The following TUB variants were observed in gnomAD, a reference collection of about 807,000 sequenced individuals.
TUB encodes the protein tubby protein homolog.
A neutral mutation model predicts 59.7 loss-of-function variants in TUB; 33 were observed. That is an observed-to-expected ratio of 0.55 (90% CI 0.42 to 0.74). The LOEUF (loss-of-function observed/expected upper bound fraction) is 0.74, where lower values mean the gene tolerates loss of function less well. TUB is among the 30% of genes least tolerant of loss of function. The probability of loss-of-function intolerance (pLI) is 0.00; values close to 1 mark genes in which losing one functional copy is unlikely to be tolerated. For synonymous variants in TUB, 293 were observed against 256.4 expected, an observed-to-expected ratio of 1.14 and a Z score of -1.36; for missense variants, 659 against 672.0, an observed-to-expected ratio of 0.98 and a Z score of 0.21.
intron 2 of TUB, among the ~76,000 whole-genome samples, chr11:8,061,231 G>C (rs1462128589): frequency 6.6e-6 from 1 of 152,230 alleles, no homozygotes; most frequent in Non-Finnish European, 1.5e-5. Flanking sequence ...TGCCACCTGT[G>C]TGGGGGAGGA....
rs148788079 is a variant in TUB at position 8,049,233 on chromosome 11, C to CTTT, written c.203+9541_203+9542insTTT. Reference sequence around the variant, plus strand: ...CTAACCCAAGGGGACTTTCAGTGCCCCAGGCAGGTTTTCCCAACCCCCATC... The same window carrying CTTT: ...CTAACCCAAGGGGACTTTCAGTGCCCTTTCAGGCAGGTTTTCCCAACCCCCATC... On this transcript the variant is annotated intron_variant, in intron 2 of 12. Transcript: ENST00000305253. Among the ~76,000 whole-genome samples, 1,449 of 152,210 alleles carry CTTT rather than the reference C, an allele frequency of 9.5e-3. 34 individuals carry two copies. Among genetic ancestry groups the CTTT allele is most frequent in the African/African-American group, 0.033 (1,366 of 41,522 alleles).
At chr11:8,100,752 C>T (rs573665918) in intron 10 of TUB, 74 bp from the exon 11 acceptor site, 51 of 1,586,420 alleles carry the variant, frequency 3.2e-5, no homozygotes, top group African/African-American at 2.8e-4. Context: ...CCCCCATTCC[C>T]GGGATAGATC....
rs1374630341 is a variant in TUB, at chr11:8,105,401, C to A, written c.*3782C>A. The A allele has an allele frequency of 6.6e-6, 1 of 152,242 alleles. No homozygotes were observed. The highest frequency in any genetic ancestry group is 2.4e-5 in the African/African-American group (1 of 41,446). The allele number at this position is 152,242 out of a possible 1,614,324, so 9.4% of individuals were successfully genotyped here. ...GTAGCCACCGGTAATAAGCCAAGGG[C>A]TAGGCTCTTGTTTGAGTTTATGGCC... is the stretch of plus-strand genomic sequence containing the variant. On this transcript the variant is annotated 3_prime_UTR_variant, in exon 12 of 12. Transcript: ENST00000299506.
intron 1 of TUB, among the ~76,000 whole-genome samples, chr11:8,031,333 T>C (rs1942568013): frequency 6.6e-6 from 1 of 152,168 alleles, no homozygotes; most frequent in Non-Finnish European, 1.5e-5. Context: ...TTACACTTAA[T>C]GGGGGGCCAC....
chr11:8,096,710 C>T lies in TUB; in HGVS notation c.591C>T (p.Asp197=), dbSNP rs775236651. 1.4e-5 allele frequency: 22 copies of T among 1,612,638 alleles called. 1 individual carries two copies. Among genetic ancestry groups the T allele is most frequent in the African/African-American group, 4.0e-5 (3 of 74,854 alleles). ...GCATCTCCAGCAGCATGAGCTTTGA[C>T]GAGGATGAGGAGGATGAGGAGGAGA... is the stretch of plus-strand genomic sequence containing the variant. ...RKGISSSMSF[D]EDEEDEEENS... Residue 197 remains aspartate (D), a synonymous_variant, in exon 6 of 12, where the codon GAC becomes GAT. Coordinates refer to ENST00000299506, the MANE Select transcript of TUB (RefSeq NM_177972.3).
intron 5 of TUB, 65 bp from the exon 6 acceptor site, chr11:8,096,620 T>G: frequency 9.5e-7 from 1 of 1,057,750 alleles, no homozygotes; most frequent in Non-Finnish European, 1.5e-6. Flanking sequence ...TATGTGACCA[T>G]GTGTATTTCA....
chr11:8,097,827 G>C lies in TUB; in HGVS notation c.998+1G>C. On this transcript the variant is annotated splice_donor_variant, in intron 8 of 11. Transcript: ENST00000299506. LOFTEE classifies it high-confidence loss of function. ...GGGACAGCTATATCGGGAAACTGCGGTACTAGCATTCCCCCAGGAAGCAGG... is the reference window on the plus strand; with the variant it reads ...GGGACAGCTATATCGGGAAACTGCGCTACTAGCATTCCCCCAGGAAGCAGG... 1.2e-6 allele frequency: 2 copies of C among 1,611,564 alleles called. No individual in the cohort carries two copies. Among genetic ancestry groups the C allele is most frequent in the Non-Finnish European group, 1.7e-6 (2 of 1,177,900 alleles).
chr11:8,083,246 G>A (rs980244419), intron 1 of TUB, among the ~76,000 whole-genome samples: 2 of 152,168 alleles, frequency 1.3e-5, no homozygotes, highest in African/African-American at 4.8e-5. Context: ...TGTGTGCGGG[G>A]GTCCAGATGG....
chr11:8,051,514 T>C (rs1362086558), intron 2 of TUB, among the ~76,000 whole-genome samples: 1 of 152,240 alleles, frequency 6.6e-6, no homozygotes, highest in Non-Finnish European at 1.5e-5. Context: ...ATGAAATTAA[T>C]GGCTCAAAAA....
chr11:8,065,552 A>C (rs150199585), intron 2 of TUB, among the ~76,000 whole-genome samples: 1 of 152,290 alleles, frequency 6.6e-6, no homozygotes, highest in Non-Finnish European at 1.5e-5. Flanking sequence ...ACATGACAGC[A>C]CTCAGCAAGA....
chr11:8,038,773 T>C (rs1942689303), exon 1 of TUB: 1 of 1,522,650 alleles, frequency 6.6e-7, no homozygotes, highest in Admixed American at 2.1e-5. Flanking sequence ...AGTGCTGGTT[T>C]CAGTACTGAG....
Position 8,106,113 on chromosome 11 carries a change from T to G in TUB, c.*4494T>G, listed in dbSNP as rs1353866210. On this transcript the variant is annotated 3_prime_UTR_variant, in exon 12 of 12. Transcript: ENST00000299506. ...ATAAACTTTGGTATTCTGGAGCAAA[T>G]GTATTTATTTATTGGTATGTGCAAT... is the stretch of plus-strand genomic sequence containing the variant. 1 of 151,784 alleles carries G rather than the reference T, an allele frequency of 6.6e-6. No individual in the cohort carries two copies. The highest frequency in any genetic ancestry group is 1.5e-5 in the Non-Finnish European group (1 of 67,712). The allele number at this position is 151,784 out of a possible 1,614,324, so 9.4% of individuals were successfully genotyped here. A position where few individuals can be genotyped will look rare whatever the true frequency, so the allele number is the denominator to read the frequency against.
At chr11:8,086,383 G>A (rs1943666243) in intron 1 of TUB, among the ~76,000 whole-genome samples, 1 of 152,134 alleles carries the variant, frequency 6.6e-6, no homozygotes, top group Admixed American at 6.5e-5. Context: ...CTGGGTGGGG[G>A]CGGAGAAGGG....
chr11:8,074,754 T>TC (rs1943420093), intron 2 of TUB, among the ~76,000 whole-genome samples: 1 of 145,112 alleles, frequency 6.9e-6, no homozygotes, highest in African/African-American at 2.6e-5. Context: ...TTTTTTTTTT[T>TC]TTTTTTTTTT....
At chr11:8,049,953 A>T (rs1283570253) in intron 2 of TUB, among the ~76,000 whole-genome samples, 1 of 152,106 alleles carries the variant, frequency 6.6e-6, no homozygotes, top group Non-Finnish European at 1.5e-5. Flanking sequence ...GAAACACAAC[A>T]TTTGCCAGCC....
At chr11:8,073,994 C>A (rs1179768936) in intron 2 of TUB, among the ~76,000 whole-genome samples, 1 of 152,248 alleles carries the variant, frequency 6.6e-6, no homozygotes, top group African/African-American at 2.4e-5. Flanking sequence ...GCAGGTGTTT[C>A]TTGCAGCCAG....
Position 8,090,771 on chromosome 11 carries a change from G to A in TUB, c.253+540G>A, listed in dbSNP as rs535605395. 2.3e-3 allele frequency among the ~76,000 whole-genome samples: 343 copies of A among 152,088 alleles called. 1 individual carries two copies. The highest frequency in any genetic ancestry group is 7.6e-3 in the African/African-American group (317 of 41,476). On this transcript the variant is annotated intron_variant, in intron 3 of 11. Transcript: ENST00000299506. ...CCCATCCTTAAATGTTCCAGGTCTCGGCAGAGCCCAGTTGGGAGAAATTCT... is the reference window on the plus strand; with the variant it reads ...CCCATCCTTAAATGTTCCAGGTCTCAGCAGAGCCCAGTTGGGAGAAATTCT...
intron 2 of TUB, among the ~76,000 whole-genome samples, chr11:8,061,027 C>G (rs1295850629): frequency 6.6e-6 from 1 of 152,216 alleles, no homozygotes; most frequent in Non-Finnish European, 1.5e-5. Context: ...TCGTCCCCAG[C>G]CCCAGGCATC....
intron 2 of TUB, among the ~76,000 whole-genome samples, chr11:8,073,334 T>G (rs187417023): frequency 9.3e-4 from 142 of 152,340 alleles, no homozygotes; most frequent in Non-Finnish European, 1.8e-3. Flanking sequence ...TTAAATTGCA[T>G]TTCAGGGACT....
Sources: allele counts gnomAD v4.1 joint callset (sites outside exome capture counted in the v4.1 genomes callset), GRCh38; gene constraint gnomAD v4.1.1; transcripts MANE v1.5; gene names NCBI Gene and HGNC (gene_info 2026-07-23, HGNC 2026-07-21).